Variants in CPNE1 observed in about 807,000 individuals in gnomAD.
CPNE1 encodes the protein copine 1, also known as copine-1.
Under a neutral mutation model 63.2 loss-of-function variants are expected in CPNE1, and 58 were observed. The ratio of observed to expected loss-of-function variants is 0.92; its 90% CI spans 0.74 to 1.14. The LOEUF (loss-of-function observed/expected upper bound fraction) is 1.14, where lower values mean the gene tolerates loss of function less well. Among genes scored for constraint, CPNE1 ranks in the 50% most tolerant of loss-of-function variants. CPNE1 has a pLI of 0.00. For synonymous variants in CPNE1, 237 were observed against 249.0 expected, an observed-to-expected ratio of 0.95 and a Z score of 0.45; for missense variants, 672 against 661.7, an observed-to-expected ratio of 1.02 and a Z score of -0.17.
At chr20:35,630,373 T>C (rs1231791533) in intron 13 of CPNE1, 66 bp downstream of exon 13, 1 of 1,311,854 alleles carries the variant, frequency 7.6e-7, no homozygotes, top group Non-Finnish European at 1.1e-6. Context: ...ACTCTCCCTT[T>C]TACTCATGCA....
intron 1 of CPNE1, chr20:35,653,423 G>C: frequency 6.2e-7 from 1 of 1,611,956 alleles, no homozygotes; most frequent in Non-Finnish European, 8.5e-7. Context: ...TTTTTTCCTT[G>C]GGCAGGGGGA....
chr20:35,626,751 G>C lies in CPNE1; in HGVS notation c.1289C>G (p.Ala430Gly), dbSNP rs753279707. ...LTDGAVTDVEATREAVVRASN... is the reference protein window; with the variant it reads ...LTDGAVTDVEGTREAVVRASN... The stretch of plus-strand genomic sequence containing the variant: ...GGCACGCACCACAGCCTCACGTGTG[G>C]CTTCCACATCCGTCACAGCACCATC... The change falls in exon 15 of 16, where the codon GCC becomes GGC. Residue 430 changes from alanine (A) to glycine (G), a missense_variant. By Grantham distance (60) the Ala-to-Gly change is moderately conservative (BLOSUM62 0). Transcript: ENST00000397443. The C allele has an allele frequency of 2.3e-5, 37 of 1,614,010 alleles. No homozygotes were observed. In the South Asian group the frequency reaches 2.7e-4, roughly 12 times the overall value.
chr20:35,638,093 AAAC>A (rs1253094890), intron 1 of CPNE1, among the ~76,000 whole-genome samples: 1 of 152,188 alleles, frequency 6.6e-6, no homozygotes, highest in Non-Finnish European at 1.5e-5. Context: ...TCTACCCTGT[AAAC>A]TATGGGGTCC....
intron 1 of CPNE1, among the ~76,000 whole-genome samples, chr20:35,633,959 CAAAAAAAA>C (rs34006508): frequency 4.9e-5 from 2 of 40,410 alleles, no homozygotes; most frequent in Middle Eastern, 0.037. Context: ...GATTCCGTCT[CAAAAAAAA>C]AAAAAAAAAA....
chr20:35,632,242 G>A lies in CPNE1; in HGVS notation c.385-8C>T, dbSNP rs1313247242. 1 of 1,613,914 alleles carries A rather than the reference G, an allele frequency of 6.2e-7. No individual in the cohort carries two copies. Among genetic ancestry groups the A allele is most frequent in the Non-Finnish European group, 8.5e-7 (1 of 1,179,840 alleles). ...TAATTCCTGAGCTGAGACCTAGGTA[G>A]GGGAGACTACATCACCTCATGAATT... On this transcript the variant is annotated splice_region_variant and splice_polypyrimidine_tract_variant and intron_variant, in intron 4 of 15. Coordinates refer to ENST00000397443, the MANE Select transcript of CPNE1 (RefSeq NM_152925.3).
At chr20:35,654,930 G>A (rs2033805924) in intron 1 of CPNE1, 1 of 1,614,112 alleles carries the variant, frequency 6.2e-7, no homozygotes, top group Non-Finnish European at 8.5e-7. Flanking sequence ...TAACTACACT[G>A]GGTGATGGAT....
intron 1 of CPNE1, among the ~76,000 whole-genome samples, chr20:35,636,773 A>AAAT (rs751761756): frequency 4.0e-4 from 61 of 152,032 alleles, no homozygotes; most frequent in East Asian, 5.8e-4. Flanking sequence ...ACTCCATCTC[A>AAAT]AATAATAATA....
intron 1 of CPNE1, chr20:35,654,196 G>A: frequency 6.2e-7 from 1 of 1,614,222 alleles, no homozygotes; most frequent in Non-Finnish European, 8.5e-7. Context: ...TTCTGTGGCA[G>A]GGCTAACTTC....
At chr20:35,633,708 TTTG>T (rs1028117332) in intron 1 of CPNE1, among the ~76,000 whole-genome samples, 1 of 151,990 alleles carries the variant, frequency 6.6e-6, no homozygotes, top group African/African-American at 2.4e-5. Context: ...ATCCTGGCAC[TTTG>T]GGAGGCCAAG....
At position 35,626,713 on chromosome 20, in the gene CPNE1, T is replaced by G; in HGVS notation, c.1327A>C (p.Met443Leu). 1 of 1,614,128 alleles carries G rather than the reference T, an allele frequency of 6.2e-7. No individual in the cohort carries two copies. Among genetic ancestry groups the G allele is most frequent in the East Asian group, 2.2e-5 (1 of 44,872 alleles). The change falls in exon 15 of 16, where the codon ATG becomes CTG. Residue 443 changes from methionine (M) to leucine (L), a missense_variant. Physicochemically the swap from Met to Leu is conservative, Grantham distance 15. Transcript: ENST00000397443. Reference sequence around the variant, plus strand: ...CCCACACCCACAATGATCACTGACATGGGCAGGTTCGAGGCACGCACCACA... The same window carrying G: ...CCCACACCCACAATGATCACTGACAGGGGCAGGTTCGAGGCACGCACCACA... The part of the protein sequence containing the change: ...EAVVRASNLP[M>L]SVIIVGVGGA...
chr20:35,649,220 G>T (rs2033331956), intron 1 of CPNE1: 1 of 152,202 alleles, frequency 6.6e-6, no homozygotes, highest in Non-Finnish European at 1.5e-5. Context: ...TTGACTAGCA[G>T]CAATTTTACA....
intron 1 of CPNE1, chr20:35,655,282 G>A (rs779190467): frequency 2.5e-6 from 4 of 1,611,964 alleles, no homozygotes; most frequent in African/African-American, 1.3e-5. Context: ...CATGGTCCCC[G>A]CCACAATTGG....
chr20:35,640,855 G>C, intron 1 of CPNE1, among the ~76,000 whole-genome samples: 1 of 152,140 alleles, frequency 6.6e-6, no homozygotes, highest in Non-Finnish European at 1.5e-5. Context: ...CTGAGACACT[G>C]AGAGAAGTAG....
At chr20:35,651,649 A>C (rs1232229164) in intron 1 of CPNE1, 1 of 152,426 alleles carries the variant, frequency 6.6e-6, no homozygotes, top group Non-Finnish European at 1.5e-5. Flanking sequence ...AGGACTTCAA[A>C]TCAAGTATCT....
intron 1 of CPNE1, among the ~76,000 whole-genome samples, chr20:35,658,653 C>T (rs2034045883): frequency 6.6e-6 from 1 of 151,928 alleles, no homozygotes; most frequent in African/African-American, 2.4e-5. Flanking sequence ...CCCAGCTATT[C>T]GGGAGGCTGA....
chr20:35,643,262 C>T (rs1424231515), intron 1 of CPNE1: 3 of 158,406 alleles, frequency 1.9e-5, no homozygotes, highest in East Asian at 1.9e-4. Flanking sequence ...GCATCTGTCC[C>T]GAAGCTGCAT....
intron 1 of CPNE1, chr20:35,654,746 T>A (rs200154452): frequency 3.7e-6 from 6 of 1,613,546 alleles, no homozygotes; most frequent in Non-Finnish European, 5.1e-6. Flanking sequence ...ATCGCTGGAA[T>A]TGGAGGAATT....
intron 13 of CPNE1, among the ~76,000 whole-genome samples, chr20:35,627,801 A>G (rs2031856654): frequency 6.6e-6 from 1 of 152,200 alleles, no homozygotes; most frequent in Non-Finnish European, 1.5e-5. Context: ...CAATCATTTG[A>G]CAATCACAGA....
At chr20:35,652,994 T>C in intron 1 of CPNE1, 1 of 1,613,808 alleles carries the variant, frequency 6.2e-7, no homozygotes, top group Admixed American at 1.7e-5. Flanking sequence ...CTTAAATTGT[T>C]TGGTCCACCT....
Sources: gnomAD v4.1 joint callset for allele counts (sites outside exome capture counted in the v4.1 genomes callset) on GRCh38, gnomAD v4.1.1 for gene constraint, MANE v1.5 for transcripts, NCBI Gene and HGNC (gene_info 2026-07-23, HGNC 2026-07-21) for gene names.